The following CDH12 variants were observed in gnomAD, a reference collection of about 807,000 sequenced individuals.
CDH12 encodes the protein cadherin-12.
Under a neutral mutation model 74.1 loss-of-function variants are expected in CDH12, and 41 were observed. The ratio of observed to expected loss-of-function variants is 0.55; its 90% CI spans 0.43 to 0.72. The LOEUF (loss-of-function observed/expected upper bound fraction) is 0.72, where lower values mean the gene tolerates loss of function less well. Ranked by LOEUF, CDH12 falls within the 30% of genes least tolerant of loss-of-function variation. CDH12 has a pLI of 0.00. For synonymous variants in CDH12, 399 were observed against 355.0 expected (o/e 1.12, Z -1.39); for missense variants, 945 against 977.2 (o/e 0.97, Z 0.44).
chr5:21,891,462 C>A (rs1276109545), intron 6 of CDH12, among the ~76,000 whole-genome samples: 2 of 151,874 alleles, frequency 1.3e-5, no homozygotes, highest in African/African-American at 4.8e-5. Context: ...AGCTAGAGAT[C>A]ATGAAATGAA....
chr5:22,245,585 C>T (rs1752916999), intron 3 of CDH12, among the ~76,000 whole-genome samples: 2 of 151,714 alleles, frequency 1.3e-5, no homozygotes, highest in Non-Finnish European at 2.9e-5. Context: ...AAATTAATAC[C>T]TTGAATGTAA....
At chr5:22,657,522 C>T (rs149813046) in intron 1 of CDH12, among the ~76,000 whole-genome samples, 128 of 152,138 alleles carry the variant, frequency 8.4e-4, no homozygotes, top group Middle Eastern at 3.4e-3. Context: ...CTACTGAAGC[C>T]CTCCGTGGCT....
chr5:21,946,371 G>C (rs6872672), intron 6 of CDH12, among the ~76,000 whole-genome samples: 44,885 of 152,030 alleles, frequency 0.3, 10,740 homozygotes, highest in African/African-American at 0.66. Context: ...TCAAACTTCT[G>C]TTAAGTTTTT....
chr5:22,236,112 C>T (rs1226287439), intron 3 of CDH12, among the ~76,000 whole-genome samples: 1 of 152,144 alleles, frequency 6.6e-6, no homozygotes, highest in Non-Finnish European at 1.5e-5. Flanking sequence ...GCTTGTAGAA[C>T]TGAAATTTGC....
intron 4 of CDH12, among the ~76,000 whole-genome samples, chr5:22,171,158 T>G (rs1308612797): frequency 6.6e-6 from 1 of 151,902 alleles, no homozygotes; most frequent in African/African-American, 2.4e-5. Flanking sequence ...CCTTTGCTTC[T>G]ATTCCTGGCC....
chr5:22,289,393 A>T (rs1737286879), intron 3 of CDH12, among the ~76,000 whole-genome samples: 2 of 152,250 alleles, frequency 1.3e-5, no homozygotes, highest in Non-Finnish European at 2.9e-5. Context: ...TCATCTGTTC[A>T]TCAAGAATGC....
intron 5 of CDH12, among the ~76,000 whole-genome samples, chr5:22,075,899 C>A (rs1024477422): frequency 6.6e-6 from 1 of 151,974 alleles, no homozygotes; most frequent in African/African-American, 2.4e-5. Flanking sequence ...TATGAGTAAT[C>A]TCAAAGTCTT....
At chr5:21,825,461 TAG>T (rs1401600129) in intron 8 of CDH12, among the ~76,000 whole-genome samples, 2 of 152,216 alleles carry the variant, frequency 1.3e-5, no homozygotes, top group Non-Finnish European at 2.9e-5. Context: ...TTCTTCTCAA[TAG>T]AGTTATTCTT....
At chr5:21,823,446 G>T (rs993041852) in intron 8 of CDH12, among the ~76,000 whole-genome samples, 3 of 151,870 alleles carry the variant, frequency 2.0e-5, no homozygotes, top group African/African-American at 7.3e-5. Flanking sequence ...ATATAGCTTG[G>T]CCATGTACTT....
At chr5:22,021,106 G>A (rs1737943973) in intron 5 of CDH12, among the ~76,000 whole-genome samples, 1 of 152,056 alleles carries the variant, frequency 6.6e-6, no homozygotes, top group Admixed American at 6.6e-5. Flanking sequence ...GGGATATATT[G>A]GGGAAAGGAC....
intron 4 of CDH12, among the ~76,000 whole-genome samples, chr5:22,180,228 T>TA (rs971883781): frequency 7.9e-5 from 12 of 152,208 alleles, no homozygotes; most frequent in Admixed American, 7.9e-4. Flanking sequence ...TAACTCACCC[T>TA]ACAGCCACTC....
intron 1 of CDH12, among the ~76,000 whole-genome samples, chr5:22,693,215 T>C (rs182394133): frequency 6.6e-6 from 1 of 152,204 alleles, no homozygotes; most frequent in Non-Finnish European, 1.5e-5. Context: ...TTCTATTTAA[T>C]TGGCAAGGGA....
chr5:22,824,644 CA>C (rs1165493305), intron 1 of CDH12, among the ~76,000 whole-genome samples: 1 of 151,590 alleles, frequency 6.6e-6, no homozygotes, highest in African/African-American at 2.4e-5. Context: ...TAAAGTACAG[CA>C]ACCAAATCTA....
At chr5:22,707,780 C>T (rs1373944763) in intron 1 of CDH12, among the ~76,000 whole-genome samples, 1 of 152,070 alleles carries the variant, frequency 6.6e-6, no homozygotes, top group Non-Finnish European at 1.5e-5. Flanking sequence ...ACATTTTGTG[C>T]TACACATATT....
chr5:22,323,985 A>T (rs767415784), intron 3 of CDH12, among the ~76,000 whole-genome samples: 12 of 152,176 alleles, frequency 7.9e-5, no homozygotes, highest in Non-Finnish European at 1.3e-4. Context: ...AAATTATCTT[A>T]ATAATTTAGC....
At chr5:22,536,319 G>C (rs1737839030) in intron 1 of CDH12, among the ~76,000 whole-genome samples, 1 of 152,140 alleles carries the variant, frequency 6.6e-6, no homozygotes, top group Non-Finnish European at 1.5e-5. Flanking sequence ...TGATTGCTAT[G>C]GGGTTTTCAA....
At chr5:22,677,421 CT>C (rs144833958) in intron 1 of CDH12, among the ~76,000 whole-genome samples, 2,885 of 152,154 alleles carry the variant, frequency 0.019, 82 homozygotes, top group African/African-American at 0.066. Context: ...AGAGACAGCG[CT>C]TTCCAGTTGT....
chr5:22,597,689 C>T (rs540755547), intron 1 of CDH12, among the ~76,000 whole-genome samples: 1 of 152,200 alleles, frequency 6.6e-6, no homozygotes, highest in East Asian at 1.9e-4. Flanking sequence ...TTACCTATAA[C>T]AGGTGCTCAA....
chr5:21,891,000 T>C (rs1752873961), intron 6 of CDH12, among the ~76,000 whole-genome samples: 1 of 152,084 alleles, frequency 6.6e-6, no homozygotes, highest in Non-Finnish European at 1.5e-5. Flanking sequence ...CTTCATAGAA[T>C]GCCAACTACA....
Sources: gnomAD v4.1 joint callset for allele counts (sites outside exome capture counted in the v4.1 genomes callset) on GRCh38, gnomAD v4.1.1 for gene constraint, MANE v1.5 for transcripts, NCBI Gene and HGNC (gene_info 2026-07-23, HGNC 2026-07-21) for gene names.